ZNF808: variants seen among roughly 807,000 people sequenced by gnomAD.
ZNF808 encodes zinc finger protein 808.
ZNF808 carries 5 observed loss-of-function variants against 8.7 expected under a neutral mutation model. That is an observed-to-expected ratio of 0.58 (90% CI 0.30 to 1.21). ZNF808 has a LOEUF of 1.21. ZNF808 is among the 50% of genes most tolerant of loss of function. The pLI, the probability that ZNF808 is intolerant of heterozygous loss-of-function variation, is 0.07. For synonymous variants in ZNF808, 380 were observed against 366.0 expected (o/e 1.04, Z -0.44); for missense variants, 1,103 against 1,098.4 (o/e 1.00, Z -0.06).
At position 52,554,278 on chromosome 19, in the gene ZNF808, A is replaced by G. The variant is rs375686519; in HGVS notation, c.1362A>G (p.Pro454=). 32 of 1,613,974 alleles carry G rather than the reference A, an allele frequency of 2.0e-5. No homozygotes were observed. In the African/African-American group the frequency reaches 3.5e-4, roughly 18 times the overall value. ...RHKRIHTGEK[P]YKCKVCDTAF... ...AGAGAATTCATACTGGAGAGAAACC[A>G]TACAAATGTAAGGTTTGTGATACAG... The change falls in exon 5 of 5, where the codon CCA becomes CCG. Residue 454 remains proline, a synonymous_variant. Transcript: ENST00000359798.
At chr19:52,566,439 T>G (rs150497043), downstream of ZNF808, among the ~76,000 whole-genome samples, 1 of 152,146 alleles carries the variant, frequency 6.6e-6, no homozygotes, top group Admixed American at 6.5e-5. Context: ...GTGCTGAGAT[T>G]ACAGGTATGC....
Position 52,554,149 on chromosome 19 carries a change from A to T in ZNF808, c.1233A>T (p.Gln411His), listed in dbSNP as rs375755660. 1 of 1,614,136 alleles carries T rather than the reference A, an allele frequency of 6.2e-7. No individual in the cohort carries two copies. The highest frequency in any genetic ancestry group is 1.7e-5 in the Admixed American group (1 of 60,010). ...CNECGKAFNHQSSLARHHILH... is the reference protein window; with the variant it reads ...CNECGKAFNHHSSLARHHILH... ...AGTGTGGTAAGGCTTTTAATCATCA[A>T]TCAAGCCTTGCACGTCATCATATAC... Residue 411 changes from glutamine to histidine, a missense_variant, in exon 5 of 5, where the codon CAA (glutamine) becomes CAT (histidine). Physicochemically the swap from Gln to His is conservative, Grantham distance 24. Transcript: ENST00000359798.
downstream of ZNF808, among the ~76,000 whole-genome samples, chr19:52,561,155 C>G: frequency 7.6e-6 from 1 of 130,972 alleles, no homozygotes; most frequent in African/African-American, 3.0e-5. Context: ...GTACTTCTAT[C>G]TGTTCTCTCT....
At chr19:52,542,957 T>TGGGGGGG (rs1568483309) in intron 2 of ZNF808, among the ~76,000 whole-genome samples, 1 of 121,284 alleles carries the variant, frequency 8.2e-6, no homozygotes, top group African/African-American at 3.9e-5. Context: ...GATCTTTTTT[T>TGGGGGGG]TGGGGGGGGG....
At chr19:52,549,225 G>A (rs1164024834) in intron 4 of ZNF808, among the ~76,000 whole-genome samples, 9 of 151,874 alleles carry the variant, frequency 5.9e-5, no homozygotes, top group Admixed American at 5.3e-4. Context: ...TGATGCACCC[G>A]CTCATCCTCC....
chr19:52,556,799 A>G (rs1187221009), downstream of ZNF808: 1 of 152,026 alleles, frequency 6.6e-6, no homozygotes, highest in Non-Finnish European at 1.5e-5. Flanking sequence ...TATTTTAACC[A>G]GTTAGTCTGG....
chr19:52,543,042 C>T (rs930620878), intron 2 of ZNF808, among the ~76,000 whole-genome samples: 1 of 151,944 alleles, frequency 6.6e-6, no homozygotes, highest in African/African-American at 2.4e-5. Flanking sequence ...CCTGCTGCCT[C>T]GTGTGTGGCG....
At chr19:52,540,214 A>G (rs1243923570) in intron 2 of ZNF808, among the ~76,000 whole-genome samples, 1 of 151,522 alleles carries the variant, frequency 6.6e-6, no homozygotes, top group African/African-American at 2.4e-5. Context: ...GTTTCTCCAT[A>G]TTGGCCAGGC....
At chr19:52,535,180 A>C (rs2059593562) in intron 2 of ZNF808, among the ~76,000 whole-genome samples, 2 of 151,536 alleles carry the variant, frequency 1.3e-5, no homozygotes, top group African/African-American at 4.9e-5. Flanking sequence ...AAATACAAAA[A>C]ATTAGCCGAG....
At chr19:52,565,506 T>C (rs867932262), downstream of ZNF808, among the ~76,000 whole-genome samples, 53 of 152,308 alleles carry the variant, frequency 3.5e-4, no homozygotes, top group Middle Eastern at 6.8e-3. Context: ...AAAATAGTTC[T>C]GTTGAATTTC....
intron 4 of ZNF808, among the ~76,000 whole-genome samples, chr19:52,550,293 C>T (rs370513824): frequency 2.6e-5 from 4 of 151,620 alleles, no homozygotes; most frequent in East Asian, 3.9e-4. Flanking sequence ...TTCAATTGCA[C>T]AATCTCAGTT....
intron 2 of ZNF808, among the ~76,000 whole-genome samples, chr19:52,536,534 C>T (rs2059613121): frequency 6.6e-6 from 1 of 152,100 alleles, no homozygotes; most frequent in Non-Finnish European, 1.5e-5. Flanking sequence ...CCCTGCTGCT[C>T]CCCAATTCTT....
intron 3 of ZNF808, among the ~76,000 whole-genome samples, chr19:52,545,453 T>C (rs757771848): frequency 2.0e-5 from 3 of 152,332 alleles, no homozygotes; most frequent in Admixed American, 6.5e-5. Flanking sequence ...TTAAGTATTT[T>C]TCATTGTTGT....
chr19:52,558,087 CTTTTTTTTTTT>C (rs11410246), downstream of ZNF808, among the ~76,000 whole-genome samples: 2 of 44,304 alleles, frequency 4.5e-5, no homozygotes, highest in African/African-American at 1.5e-4. Flanking sequence ...TTCTTTCTTT[CTTTTTTTTTTT>C]TTTTTGAGAC....
chr19:52,547,870 G>T (rs1043031601), intron 4 of ZNF808, among the ~76,000 whole-genome samples: 12 of 151,848 alleles, frequency 7.9e-5, no homozygotes, highest in African/African-American at 2.7e-4. Flanking sequence ...CTCCTGAGTA[G>T]CTGGGATTAC....
At chr19:52,556,957 A>G (rs1168857152), downstream of ZNF808, among the ~76,000 whole-genome samples, 2 of 151,978 alleles carry the variant, frequency 1.3e-5, no homozygotes, top group Admixed American at 6.6e-5. Flanking sequence ...AAAAGCACCC[A>G]TGTATTCTTT....
rs1172936091 is a variant in ZNF808, at chr19:52,546,943, C to CTTTTT, written c.64-550_64-546dup. Among the ~76,000 whole-genome samples the CTTTTT allele has an allele frequency of 5.0e-4, 39 of 78,462 alleles. 1 individual carries two copies. Among genetic ancestry groups the CTTTTT allele is most frequent in the African/African-American group, 1.7e-3 (34 of 19,824 alleles). The allele number at this position is 78,462 out of a possible 152,430, so 51.5% of individuals were successfully genotyped here. A position where few individuals can be genotyped will look rare whatever the true frequency, so the allele number is the denominator to read the frequency against. ...AGGCGAGAGCCATTGCCTGGAATTG[C>CTTTTT]TTTTTTTTTTTTTTTTTTTTTTTAG... On this transcript the variant is annotated intron_variant, in intron 3 of 4. Transcript: ENST00000359798.
At position 52,530,802 on chromosome 19, in the gene ZNF808, G is replaced by A. The variant is rs149943705; in HGVS notation, c.-121-2106G>A. On this transcript the variant is annotated intron_variant, in intron 1 of 4. Coordinates refer to ENST00000359798, the MANE Select transcript of ZNF808 (RefSeq NM_001039886.4). Reference sequence around the variant, plus strand: ...AACCTGGCCTACATGGTGAAACCCCGTCTCTACCAAAAATACAAAAATTAG... The same window carrying A: ...AACCTGGCCTACATGGTGAAACCCCATCTCTACCAAAAATACAAAAATTAG... Among the ~76,000 whole-genome samples the A allele has an allele frequency of 4.2e-3, 643 of 152,020 alleles. 4 individuals carry two copies. Among genetic ancestry groups the A allele is most frequent in the African/African-American group, 0.014 (562 of 41,470 alleles).
At chr19:52,529,744 T>G (rs413751) in intron 1 of ZNF808, among the ~76,000 whole-genome samples, 1 of 151,668 alleles carries the variant, frequency 6.6e-6, no homozygotes, top group East Asian at 1.9e-4. Context: ...ATATTTTGAG[T>G]CAGGGTCTGG....
Sources: gnomAD v4.1 joint callset for allele counts (sites outside exome capture counted in the v4.1 genomes callset) on GRCh38, gnomAD v4.1.1 for gene constraint, MANE v1.5 for transcripts, NCBI Gene and HGNC (gene_info 2026-07-23, HGNC 2026-07-21) for gene names.